The following FLT1 variants were observed in gnomAD, a reference collection of about 807,000 sequenced individuals.
FLT1 encodes fms related receptor tyrosine kinase 1.
In FLT1, 49 loss-of-function variants were observed where a neutral mutation model predicts 156.3. The observed-to-expected ratio is 0.31, with a 90% CI of 0.25 to 0.40. The LOEUF is 0.40. FLT1 is among the 10% of genes least tolerant of loss of function. FLT1 has a pLI of 1.00. For missense variants in FLT1, 1,322 were observed against 1,637.2 expected (o/e 0.81, Z 3.32); for synonymous variants, 594 against 583.8 (o/e 1.02, Z -0.25).
At chr13:28,358,915 C>T (rs116372026) in intron 14 of FLT1, among the ~76,000 whole-genome samples, 2,280 of 152,136 alleles carry the variant, frequency 0.015, 60 homozygotes, top group African/African-American at 0.052. Flanking sequence ...GAGTTGAGGT[C>T]TGAAGGATTG....
At chr13:28,404,862 A>G (rs930399902) in intron 11 of FLT1, among the ~76,000 whole-genome samples, 4 of 152,206 alleles carry the variant, frequency 2.6e-5, no homozygotes, top group African/African-American at 9.6e-5. Context: ...TCTACTAAAA[A>G]TACAAAAATT....
At chr13:28,376,544 C>T (rs1394476878) in intron 14 of FLT1, among the ~76,000 whole-genome samples, 1 of 152,098 alleles carries the variant, frequency 6.6e-6, no homozygotes, top group African/African-American at 2.4e-5. Context: ...TTACTTTTTT[C>T]AGCCTTTTAA....
intron 13 of FLT1, chr13:28,387,419 C>T: frequency 3.8e-6 from 4 of 1,055,906 alleles, no homozygotes; most frequent in Non-Finnish European, 4.6e-6. Flanking sequence ...ATTTCGAAAC[C>T]TAAGTTACTT....
intron 25 of FLT1, among the ~76,000 whole-genome samples, chr13:28,312,376 T>C (rs1316939438): frequency 6.6e-6 from 1 of 152,174 alleles, no homozygotes; most frequent in African/African-American, 2.4e-5. Context: ...GCCTGTGGCC[T>C]CTGCAGATGG....
intron 15 of FLT1, among the ~76,000 whole-genome samples, chr13:28,350,059 A>T (rs1419199939): frequency 6.6e-6 from 1 of 152,178 alleles, no homozygotes; most frequent in Non-Finnish European, 1.5e-5. Context: ...CACTGGCCTG[A>T]CTAAACCCAG....
At chr13:28,356,713 A>G (rs1490451310) in intron 15 of FLT1, among the ~76,000 whole-genome samples, 2 of 152,224 alleles carry the variant, frequency 1.3e-5, no homozygotes, top group Non-Finnish European at 2.9e-5. Flanking sequence ...ATACTTGCAT[A>G]TTCTGAAGTC....
chr13:28,330,133 T>TC (rs1395501076), intron 18 of FLT1, among the ~76,000 whole-genome samples: 1 of 152,112 alleles, frequency 6.6e-6, no homozygotes, highest in Non-Finnish European at 1.5e-5. Context: ...CTTTGGGGAG[T>TC]CACAGAGAAG....
At chr13:28,382,517 A>T (rs1874122044) in intron 14 of FLT1, among the ~76,000 whole-genome samples, 2 of 152,196 alleles carry the variant, frequency 1.3e-5, no homozygotes, top group Non-Finnish European at 2.9e-5. Flanking sequence ...GAAGACTTGA[A>T]GCAGGGAAGT....
At chr13:28,339,551 A>G (rs1872249783) in intron 16 of FLT1, among the ~76,000 whole-genome samples, 2 of 152,178 alleles carry the variant, frequency 1.3e-5, no homozygotes, top group African/African-American at 4.8e-5. Flanking sequence ...GATAACATGC[A>G]CTCAAATTCT....
intron 3 of FLT1, 77 bp from the exon 4 acceptor site, chr13:28,438,422 G>GCAATGCCTACCATACCACAC: frequency 1.8e-6 from 2 of 1,138,464 alleles, no homozygotes; most frequent in Non-Finnish European, 2.6e-6. Flanking sequence ...AGCTAGTGTG[G>GCAATGCCTACCATACCACAC]TATGGTAGGC....
In FLT1 at chr13:28,455,119, C is replaced by T. The variant is rs139900192; in HGVS notation, c.388+11784G>A. On this transcript the variant is annotated intron_variant, in intron 3 of 29. Coordinates refer to ENST00000282397, the MANE Select transcript of FLT1 (RefSeq NM_002019.4). ...TTCAATGCAATCCCAATCAAAATCC[C>T]AGAAGTTACTTTGTGGATATGGACA... 5.9e-5 allele frequency among the ~76,000 whole-genome samples: 9 copies of T among 152,212 alleles called. No homozygotes were observed. In the East Asian group the frequency reaches 1.7e-3, roughly 29 times the overall value.
intron 7 of FLT1, among the ~76,000 whole-genome samples, chr13:28,430,786 G>T (rs1877632211): frequency 6.6e-6 from 1 of 151,964 alleles, no homozygotes; most frequent in African/African-American, 2.4e-5. Context: ...CTAATTCATG[G>T]TAGTACCTGA....
intron 17 of FLT1, among the ~76,000 whole-genome samples, chr13:28,338,205 A>T (rs868287386): frequency 3.3e-5 from 5 of 151,954 alleles, no homozygotes; most frequent in Admixed American, 2.0e-4. Context: ...TGCCCCCTAA[A>T]TCCCTCACCC....
intron 3 of FLT1, among the ~76,000 whole-genome samples, chr13:28,461,763 C>G (rs1254206134): frequency 6.6e-6 from 1 of 152,140 alleles, no homozygotes; most frequent in African/African-American, 2.4e-5. Context: ...TATTCTCTCC[C>G]AGAATATCTA....
intron 28 of FLT1, chr13:28,308,450 C>T (rs1870844789): frequency 6.3e-5 from 20 of 316,756 alleles, no homozygotes; most frequent in Middle Eastern, 1.1e-3. Context: ...TAGGTGGACC[C>T]CTCCCAGCCT....
At chr13:28,349,460 A>G (rs922905981) in intron 15 of FLT1, among the ~76,000 whole-genome samples, 1 of 119,928 alleles carries the variant, frequency 8.3e-6, no homozygotes, top group Non-Finnish European at 1.9e-5. Context: ...ACACACACAC[A>G]TGCGCACACG....
chr13:28,368,911 G>A (rs1296948345), intron 14 of FLT1, among the ~76,000 whole-genome samples: 1 of 151,732 alleles, frequency 6.6e-6, no homozygotes, highest in African/African-American at 2.4e-5. Context: ...CACCACGTTG[G>A]CCAGGCTGGT....
intron 9 of FLT1, among the ~76,000 whole-genome samples, chr13:28,427,543 T>C (rs1031867568): frequency 1.3e-5 from 2 of 152,214 alleles, no homozygotes; most frequent in Non-Finnish European, 2.9e-5. Flanking sequence ...ATGTACATTG[T>C]GATTACAGTG....
intron 1 of FLT1, among the ~76,000 whole-genome samples, chr13:28,477,875 C>T (rs1475094147): frequency 1.3e-5 from 2 of 152,200 alleles, no homozygotes; most frequent in Non-Finnish European, 2.9e-5. Context: ...TACACATTTT[C>T]AGATTGTGAA....
Sources: allele counts gnomAD v4.1 joint callset (sites outside exome capture counted in the v4.1 genomes callset), GRCh38; gene constraint gnomAD v4.1.1; transcripts MANE v1.5; gene names NCBI Gene and HGNC (gene_info 2026-07-23, HGNC 2026-07-21).